The following SLC6A20 variants were observed in gnomAD, a reference collection of about 807,000 sequenced individuals.
SLC6A20 encodes solute carrier family 6 member 20.
SLC6A20 carries 73 observed loss-of-function variants against 64.3 expected under a neutral mutation model. The observed-to-expected ratio is 1.14, with a 90% CI of 0.94 to 1.38. The LOEUF (loss-of-function observed/expected upper bound fraction) is 1.38, where lower values mean the gene tolerates loss of function less well. Among genes scored for constraint, SLC6A20 ranks in the 40% most tolerant of loss-of-function variants. SLC6A20 has a pLI of 0.00. For missense variants in SLC6A20, 725 were observed against 772.8 expected (o/e 0.94, Z 0.73); for synonymous variants, 347 against 329.6 (o/e 1.05, Z -0.57).
chr3:45,771,450 C>A lies in SLC6A20; in HGVS notation c.702G>T (p.Gln234His). Residue 234 changes from glutamine (Q) to histidine (H), a missense_variant, in exon 6 of 11, where the codon CAG (glutamine) becomes CAT (histidine). Transcript: ENST00000358525. ...TGATCCAGGCCTTGGGGTTGGCCAGCTGCTCTATCTGGAAGGCCAGCAGGG... is the reference window on the plus strand; with the variant it reads ...TGATCCAGGCCTTGGGGTTGGCCAGATGCTCTATCTGGAAGGCCAGCAGGG... ...LMYMFTPKIE[Q>H]LANPKAWINA... The A allele has an allele frequency of 3.7e-6, 6 of 1,614,164 alleles. No homozygotes were observed. Among genetic ancestry groups the A allele is most frequent in the Non-Finnish European group, 5.1e-6 (6 of 1,179,982 alleles).
chr3:45,759,776 C>T (rs1699631117), intron 10 of SLC6A20, 81 bp downstream of exon 10: 1 of 1,493,652 alleles, frequency 6.7e-7, no homozygotes, highest in Non-Finnish European at 9.0e-7. Flanking sequence ...GGAAATAGTC[C>T]CCTGGTTTCG....
chr3:45,782,547 A>ACATC (rs1266602340), intron 1 of SLC6A20, among the ~76,000 whole-genome samples: 6 of 149,684 alleles, frequency 4.0e-5, no homozygotes, highest in Non-Finnish European at 7.4e-5. Flanking sequence ...TATCCACCCT[A>ACATC]CATCCATCCA....
In SLC6A20 at chr3:45,775,867, G is replaced by A; in HGVS notation, c.476C>T (p.Ser159Phe). 1 of 1,614,216 alleles carries A rather than the reference G, an allele frequency of 6.2e-7. No homozygotes were observed. The highest frequency in any genetic ancestry group is 8.5e-7 in the Non-Finnish European group (1 of 1,180,050). The change falls in exon 4 of 11, where the codon TCC (serine) becomes TTC (phenylalanine). Residue 159 changes from serine to phenylalanine, a missense_variant. Physicochemically the swap from Ser to Phe is radical, Grantham distance 155. Coordinates refer to ENST00000358525, the MANE Select transcript of SLC6A20 (RefSeq NM_020208.4). ...WYRKTLNISP[S>F]LQENGGVQWE... ...CTGCACACCCCCGTTCTCCTGGAGG[G>A]ACGGCGAGATATTGAGGGTTTTCCT...
chr3:45,787,656 C>T (rs1338394326), intron 1 of SLC6A20, among the ~76,000 whole-genome samples: 1 of 152,088 alleles, frequency 6.6e-6, no homozygotes, highest in Non-Finnish European at 1.5e-5. Flanking sequence ...AACTAAGACC[C>T]ACCCTCTTGT....
chr3:45,792,694 G>C (rs914172310), intron 1 of SLC6A20, among the ~76,000 whole-genome samples: 9 of 152,150 alleles, frequency 5.9e-5, no homozygotes, highest in Non-Finnish European at 1.2e-4. Flanking sequence ...GCAGCTCCAG[G>C]CCGGCTCACA....
In SLC6A20 at chr3:45,772,543, C is replaced by T. The variant is rs772156338; in HGVS notation, c.655G>A (p.Gly219Arg). 9 of 1,613,902 alleles carry T rather than the reference C, an allele frequency of 5.6e-6. No individual in the cohort carries two copies. Among genetic ancestry groups the T allele is most frequent in the Middle Eastern group, 1.7e-4 (1 of 6,056 alleles). ...ATGTACATGAGGCCATTGGTGGCTCCGTGGAGCGTGAGGCCCCTGATGAGG... is the reference window on the plus strand; with the variant it reads ...ATGTACATGAGGCCATTGGTGGCTCTGTGGAGCGTGAGGCCCCTGATGAGG... ...IYLIRGLTLH[G>R]ATNGLMYMFT... is the part of the protein sequence containing the mutation. Residue 219 changes from glycine (G) to arginine (R), a missense_variant, in exon 5 of 11, where the codon GGA becomes AGA. Coordinates refer to ENST00000358525, the MANE Select transcript of SLC6A20 (RefSeq NM_020208.4).
Position 45,759,076 on chromosome 3 carries a change from G to A in SLC6A20, c.1681C>T (p.Leu561=), listed in dbSNP as rs776210922. 31 of 1,612,948 alleles carry A rather than the reference G, an allele frequency of 1.9e-5. No homozygotes were observed. In the South Asian group the frequency reaches 3.4e-4, roughly 18 times the overall value. ...YPAYALAVIG[L]LVASSTMCIP... is the part of the protein sequence containing the mutation. ...CACATGGTGGAGGAGGCCACAAGCA[G>A]CCCGATGACAGCCAGTGCATAGGCC... The change falls in exon 11 of 11, where the codon CTG becomes TTG. Residue 561 remains leucine (L), a synonymous_variant. Transcript: ENST00000358525.
At chr3:45,785,713 G>A (rs913959868) in intron 1 of SLC6A20, among the ~76,000 whole-genome samples, 1 of 150,958 alleles carries the variant, frequency 6.6e-6, no homozygotes, top group African/African-American at 2.4e-5. Flanking sequence ...ATGCCTTAAA[G>A]GCATGTGTGG....
intron 3 of SLC6A20, among the ~76,000 whole-genome samples, chr3:45,778,089 C>G (rs1043975192): frequency 6.6e-6 from 1 of 152,222 alleles, no homozygotes. Flanking sequence ...TCTGAACCAG[C>G]AGGTGAGGAC....
At chr3:45,785,826 A>G (rs771447131) in intron 1 of SLC6A20, among the ~76,000 whole-genome samples, 1 of 152,196 alleles carries the variant, frequency 6.6e-6, no homozygotes, top group African/African-American at 2.4e-5. Context: ...GGCTTTGTCC[A>G]GTAGAATGTG....
chr3:45,760,819 T>C (rs924921535), intron 9 of SLC6A20, among the ~76,000 whole-genome samples: 24 of 152,354 alleles, frequency 1.6e-4, no homozygotes, highest in Admixed American at 4.6e-4. Context: ...AAACTCCCCA[T>C]TTCACACAGG....
In SLC6A20 at chr3:45,765,723, G is replaced by C. The variant is rs1226786566; in HGVS notation, c.1117C>G (p.Leu373Val). The change falls in exon 8 of 11, where the codon CTG becomes GTG. Residue 373 changes from leucine to valine, a missense_variant. Physicochemically the swap from Leu to Val is conservative, Grantham distance 32. Transcript: ENST00000358525. The surrounding 1 kb of genome is among the most constrained non-coding windows in gnomAD (Gnocchi z 4.2). ...GCCTCTGTGTAGACGATGAATGCCA[G>C]GCCAGTGCCCTGGACGGCCTGCCCA... ...ELDTAVQGTG[L>V]AFIVYTEAIK... 1.9e-6 allele frequency: 3 copies of C among 1,614,162 alleles called. No homozygotes were observed. In the Admixed American group the frequency reaches 5.0e-5, roughly 27 times the overall value.
At position 45,794,340 on chromosome 3, in the gene SLC6A20, G is replaced by C. The variant is rs369921832; in HGVS notation, c.121+1959C>G. 2.2e-3 allele frequency among the ~76,000 whole-genome samples: 339 copies of C among 152,304 alleles called. 2 individuals carry two copies. The highest frequency in any genetic ancestry group is 3.9e-3 in the Non-Finnish European group (268 of 68,016). On this transcript the variant is annotated intron_variant, in intron 1 of 10. Coordinates refer to ENST00000358525, the MANE Select transcript of SLC6A20 (RefSeq NM_020208.4). ...CAAGTTAGGTGGTCAAGTGCCTACG[G>C]TGCCAAGTGGACTGTTCGGTCTTTA... is the stretch of plus-strand genomic sequence containing the variant.
At chr3:45,789,775 A>G (rs955150442) in intron 1 of SLC6A20, among the ~76,000 whole-genome samples, 2 of 152,140 alleles carry the variant, frequency 1.3e-5, no homozygotes, top group Non-Finnish European at 2.9e-5. Context: ...TATTTTTAGT[A>G]GAGATGAGGT....
At chr3:45,782,365 C>T (rs1330094576) in intron 1 of SLC6A20, 142 bp from the exon 2 acceptor site, 3 of 1,167,914 alleles carry the variant, frequency 2.6e-6, no homozygotes, top group Non-Finnish European at 3.5e-6. Flanking sequence ...ATCCATCCTC[C>T]TCTTTCTACT....
Position 45,756,716 on chromosome 3 carries a change from T to C in SLC6A20, c.*2262A>G, listed in dbSNP as rs1357285397. 1.3e-5 allele frequency: 2 copies of C among 152,204 alleles called. No homozygotes were observed. Among genetic ancestry groups the C allele is most frequent in the Non-Finnish European group, 2.9e-5 (2 of 68,040 alleles). 9.4% of individuals were successfully genotyped at this position (152,204 alleles called of 1,614,324 possible). The stretch of plus-strand genomic sequence containing the variant: ...CATGATCTCAAGGAAGCACTGGACG[T>C]TAGAGCAGGAAGGGACTCGCTCACT... On this transcript the variant is annotated 3_prime_UTR_variant, in exon 11 of 11. Transcript: ENST00000358525.
At chr3:45,767,152 G>A (rs1699791197) in intron 7 of SLC6A20, among the ~76,000 whole-genome samples, 1 of 152,164 alleles carries the variant, frequency 6.6e-6, no homozygotes, top group Non-Finnish European at 1.5e-5. Flanking sequence ...GTGATCACTT[G>A]TAGAGAACTT....
chr3:45,792,958 T>A (rs1238815282), intron 1 of SLC6A20, among the ~76,000 whole-genome samples: 1 of 152,122 alleles, frequency 6.6e-6, no homozygotes, highest in Non-Finnish European at 1.5e-5. Flanking sequence ...CTAGGGAGCT[T>A]TCTAGAAATG....
chr3:45,782,266 C>T (rs376910061), intron 1 of SLC6A20, 43 bp from the exon 2 acceptor site: 291 of 1,582,824 alleles, frequency 1.8e-4, no homozygotes, highest in Middle Eastern at 3.4e-4. Flanking sequence ...CACCAAAAGG[C>T]TTTTCTCCAC....
Sources: allele counts gnomAD v4.1 joint callset (sites outside exome capture counted in the v4.1 genomes callset), GRCh38; gene constraint gnomAD v4.1.1; non-coding constraint Gnocchi (gnomAD v3.1); transcripts MANE v1.5; gene names NCBI Gene and HGNC (gene_info 2026-07-23, HGNC 2026-07-21).